The following RABGAP1L variants were observed in gnomAD, a reference collection of about 807,000 sequenced individuals.
RABGAP1L encodes RAB GTPase activating protein 1 like, also known as rab GTPase-activating protein 1-like.
In RABGAP1L, 63 loss-of-function variants were observed where a neutral mutation model predicts 137.7. The ratio of observed to expected loss-of-function variants is 0.46; its 90% CI spans 0.37 to 0.56. The LOEUF is 0.56. RABGAP1L is among the 20% of genes least tolerant of loss of function. RABGAP1L has a pLI of 0.00. For missense variants in RABGAP1L, 1,095 were observed against 1,244.0 expected (o/e 0.88, Z 1.80); for synonymous variants, 431 against 433.7 (o/e 0.99, Z 0.08).
At chr1:174,180,977 A>C (rs7547766) in intron 1 of RABGAP1L, among the ~76,000 whole-genome samples, 44,623 of 151,988 alleles carry the variant, frequency 0.29, 6,971 homozygotes, top group African/African-American at 0.37. Context: ...CTTCTCTTAC[A>C]TTTAATTCAC....
At chr1:174,570,613 G>T (rs1054484455) in intron 13 of RABGAP1L, among the ~76,000 whole-genome samples, 4 of 152,102 alleles carry the variant, frequency 2.6e-5, no homozygotes, top group Admixed American at 6.6e-5. Context: ...CCCAATCTCA[G>T]CATTGTGCAA....
intron 18 of RABGAP1L, among the ~76,000 whole-genome samples, chr1:174,810,418 A>C (rs1250465672): frequency 4.6e-5 from 7 of 152,226 alleles, no homozygotes; most frequent in Non-Finnish European, 8.8e-5. Context: ...ATTGGACTAC[A>C]TGTCTTGCTA....
chr1:174,866,129 G>C (rs1651188424), intron 19 of RABGAP1L, among the ~76,000 whole-genome samples: 1 of 144,680 alleles, frequency 6.9e-6, no homozygotes, highest in Non-Finnish European at 1.5e-5. Flanking sequence ...GAGAGAGAGA[G>C]AGAGAGAGAG....
At chr1:174,330,219 G>T (rs1474121007) in intron 11 of RABGAP1L, among the ~76,000 whole-genome samples, 1 of 152,032 alleles carries the variant, frequency 6.6e-6, no homozygotes, top group Non-Finnish European at 1.5e-5. Flanking sequence ...AATACAAAAA[G>T]CAAAATGCAA....
intron 13 of RABGAP1L, among the ~76,000 whole-genome samples, chr1:174,562,440 AGT>A (rs1667284231): frequency 6.6e-6 from 1 of 152,216 alleles, no homozygotes; most frequent in African/African-American, 2.4e-5. Flanking sequence ...TGTGGAAGAC[AGT>A]GTGGTGATTC....
At chr1:174,875,632 G>C (rs995585433) in intron 19 of RABGAP1L, 10 of 985,224 alleles carry the variant, frequency 1.0e-5, no homozygotes, top group Non-Finnish European at 1.2e-5. Context: ...AAGATAATCT[G>C]AAATCTTCTG....
At chr1:174,659,317 C>G (rs1056146661) in intron 14 of RABGAP1L, among the ~76,000 whole-genome samples, 2 of 151,806 alleles carry the variant, frequency 1.3e-5, no homozygotes, top group South Asian at 4.2e-4. Flanking sequence ...TTTATTAAAC[C>G]CTTTTCATTT....
chr1:174,183,166 G>A (rs1166380731), intron 1 of RABGAP1L, among the ~76,000 whole-genome samples: 1 of 152,122 alleles, frequency 6.6e-6, no homozygotes, highest in African/African-American at 2.4e-5. Flanking sequence ...AAGATGAGGC[G>A]AGAGTTGTAG....
At chr1:174,669,748 T>C (rs1052562149) in intron 14 of RABGAP1L, among the ~76,000 whole-genome samples, 1 of 152,202 alleles carries the variant, frequency 6.6e-6, no homozygotes, top group African/African-American at 2.4e-5. Context: ...TCTTTCCACA[T>C]TGTATGTTCT....
At chr1:174,206,692 A>G (rs1275161228) in intron 1 of RABGAP1L, among the ~76,000 whole-genome samples, 1 of 152,178 alleles carries the variant, frequency 6.6e-6, no homozygotes, top group African/African-American at 2.4e-5. Flanking sequence ...TTTGGCACTG[A>G]AGGAAATTAG....
In RABGAP1L at chr1:174,679,093, G is replaced by T. The variant is rs1677858993; in HGVS notation, c.1825-4429G>T. Among the ~76,000 whole-genome samples, 3 of 152,150 alleles carry T rather than the reference G, an allele frequency of 2.0e-5. No individual in the cohort carries two copies. The South Asian group carries it at 6.2e-4, about 32-fold the overall frequency. Reference sequence around the variant, plus strand: ...TTTCCATTGCCTGCTCAAATGCCTGGGTTTATATCCCGATCATTGTCCCTC... The same window carrying T: ...TTTCCATTGCCTGCTCAAATGCCTGTGTTTATATCCCGATCATTGTCCCTC... On this transcript the variant is annotated intron_variant, in intron 14 of 25. Transcript: ENST00000681986.
chr1:174,171,494 A>G (rs1665377244), intron 1 of RABGAP1L, among the ~76,000 whole-genome samples: 1 of 152,136 alleles, frequency 6.6e-6, no homozygotes, highest in African/African-American at 2.4e-5. Flanking sequence ...TTGTGGTATA[A>G]GCATCTAAAA....
rs573867557 is a variant in RABGAP1L, at chr1:174,459,775, T to C, written c.1710+65630T>C. Reference sequence around the variant, plus strand: ...ATGGAGGACTGACTGTATATGCTTTTATGCTTTCAGTACTGTTTAAAGTCA... The same window carrying C: ...ATGGAGGACTGACTGTATATGCTTTCATGCTTTCAGTACTGTTTAAAGTCA... On this transcript the variant is annotated intron_variant, in intron 13 of 25. Transcript: ENST00000681986. Among the ~76,000 whole-genome samples the C allele has an allele frequency of 1.4e-3, 220 of 152,220 alleles. 1 individual carries two copies. Among genetic ancestry groups the C allele is most frequent in the South Asian group, 4.3e-3 (21 of 4,830 alleles).
intron 19 of RABGAP1L, among the ~76,000 whole-genome samples, chr1:174,899,561 C>T (rs1185370461): frequency 6.6e-6 from 1 of 151,996 alleles, no homozygotes; most frequent in Admixed American, 6.6e-5. Context: ...ATCAAAGATC[C>T]CTAATGTGAG....
intron 1 of RABGAP1L, 31 bp from the exon 2 acceptor site, chr1:174,219,093 GT>G (rs375410689): frequency 0.03 from 31,524 of 1,062,968 alleles, 1,521 homozygotes; most frequent in African/African-American, 0.24. Context: ...TAATCAGTAG[GT>G]TTTTTTTTTT....
intron 19 of RABGAP1L, chr1:174,877,313 G>A: frequency 8.2e-7 from 1 of 1,224,494 alleles, no homozygotes; most frequent in Non-Finnish European, 1.1e-6. Context: ...TGCTAGCCAA[G>A]CCTGTGATAG....
At chr1:174,589,480 A>AT (rs1168117901) in intron 13 of RABGAP1L, among the ~76,000 whole-genome samples, 1 of 151,694 alleles carries the variant, frequency 6.6e-6, no homozygotes, top group Non-Finnish European at 1.5e-5. Context: ...TCATTTGTCC[A>AT]TTTTTTCTTT....
intron 18 of RABGAP1L, among the ~76,000 whole-genome samples, chr1:174,809,092 T>G (rs931233292): frequency 6.6e-6 from 1 of 152,236 alleles, no homozygotes; most frequent in African/African-American, 2.4e-5. Context: ...CTTTAATGTG[T>G]CAAGTACTCC....
At chr1:174,420,981 A>T (rs539255267) in intron 13 of RABGAP1L, among the ~76,000 whole-genome samples, 2 of 152,066 alleles carry the variant, frequency 1.3e-5, no homozygotes, top group African/African-American at 4.8e-5. Flanking sequence ...GGCTGGATTC[A>T]GGTTTTATAG....
Sources: allele counts gnomAD v4.1 joint callset (sites outside exome capture counted in the v4.1 genomes callset), GRCh38; gene constraint gnomAD v4.1.1; transcripts MANE v1.5; gene names NCBI Gene and HGNC (gene_info 2026-07-23, HGNC 2026-07-21).